Variants in CELF1 observed in about 807,000 individuals in gnomAD.
CELF1 encodes CUGBP Elav-like family member 1, also known as 50 kDa nuclear polyadenylated RNA-binding protein.
In CELF1, 10 loss-of-function variants were observed where a neutral mutation model predicts 61.8. That is an observed-to-expected ratio of 0.16 (90% confidence interval 0.10 to 0.27). CELF1 has a LOEUF of 0.27. Ranked by LOEUF, CELF1 falls within the 10% of genes least tolerant of loss-of-function variation. CELF1 has a pLI of 1.00. For missense variants in CELF1, 380 were observed against 639.1 expected (o/e 0.59, Z 4.37); for synonymous variants, 236 against 225.1 (o/e 1.05, Z -0.43).
chr11:47,527,482 T>C (rs2096287545), intron 1 of CELF1, among the ~76,000 whole-genome samples: 1 of 152,022 alleles, frequency 6.6e-6, no homozygotes, highest in Admixed American at 6.6e-5. Flanking sequence ...CCCAGCACTT[T>C]GAGAGGTCAA....
At chr11:47,511,358 T>TTGGGAAATATGAGGTAATCTCC (rs2095151705) in intron 1 of CELF1, among the ~76,000 whole-genome samples, 1 of 152,166 alleles carries the variant, frequency 6.6e-6, no homozygotes, top group Non-Finnish European at 1.5e-5. Flanking sequence ...GGATAACCTC[T>TTGGGAAATATGAGGTAATCTCC]TGGGAAATAT....
intron 1 of CELF1, among the ~76,000 whole-genome samples, chr11:47,530,912 G>A (rs1351506959): frequency 6.6e-6 from 1 of 151,988 alleles, no homozygotes; most frequent in African/African-American, 2.4e-5. Context: ...CCACAATCAT[G>A]CCATTGCACT....
intron 1 of CELF1, among the ~76,000 whole-genome samples, chr11:47,531,715 C>T (rs1293730643): frequency 6.6e-6 from 1 of 152,200 alleles, no homozygotes; most frequent in African/African-American, 2.4e-5. Flanking sequence ...GCCTACTTGG[C>T]TTCTGATTTT....
At chr11:47,538,249 G>A (rs2096679615) in intron 1 of CELF1, among the ~76,000 whole-genome samples, 1 of 152,112 alleles carries the variant, frequency 6.6e-6, no homozygotes, top group African/African-American at 2.4e-5. Flanking sequence ...ATCATCATTT[G>A]ATCTCTGATA....
intron 2 of CELF1, among the ~76,000 whole-genome samples, chr11:47,558,528 T>G (rs1277147191): frequency 9.1e-5 from 11 of 120,268 alleles, no homozygotes; most frequent in Admixed American, 8.5e-4. Context: ...TATGTATATG[T>G]ATATATTTAT....
At chr11:47,508,100 G>A (rs1428298017) in intron 1 of CELF1, among the ~76,000 whole-genome samples, 2 of 152,148 alleles carry the variant, frequency 1.3e-5, no homozygotes, top group East Asian at 3.8e-4. Context: ...TGGCTTCTTG[G>A]TAGGTCTGTC....
At chr11:47,552,486 CGAGGA>C (rs2097164868) in intron 1 of CELF1, among the ~76,000 whole-genome samples, 1 of 152,162 alleles carries the variant, frequency 6.6e-6, no homozygotes, top group Non-Finnish European at 1.5e-5. Flanking sequence ...GGATCTGGGG[CGAGGA>C]ACGAGGGGCT....
chr11:47,493,686 T>C (rs1193627293), intron 3 of CELF1, among the ~76,000 whole-genome samples: 2 of 152,120 alleles, frequency 1.3e-5, no homozygotes, highest in Non-Finnish European at 2.9e-5. Flanking sequence ...TACCTTATTT[T>C]TTCCCCTACA....
chr11:47,527,834 G>A (rs1049956384), intron 1 of CELF1, among the ~76,000 whole-genome samples: 4 of 152,140 alleles, frequency 2.6e-5, no homozygotes, highest in Non-Finnish European at 4.4e-5. Flanking sequence ...GGTGGCTCAC[G>A]CCTGTAACCT....
At chr11:47,494,533 A>AG in intron 3 of CELF1, 1 of 966,608 alleles carries the variant, frequency 1.0e-6, no homozygotes, top group Non-Finnish European at 1.2e-6. Flanking sequence ...TATTTGTTCA[A>AG]AATTCTTGAA....
intron 1 of CELF1, among the ~76,000 whole-genome samples, chr11:47,527,708 GAATT>G (rs1478692640): frequency 2.6e-5 from 4 of 152,150 alleles, no homozygotes; most frequent in Admixed American, 6.6e-5. Context: ...AGTTTACTGT[GAATT>G]AATATGCTTT....
chr11:47,517,718 T>G (rs1203524485), intron 1 of CELF1, among the ~76,000 whole-genome samples: 3 of 151,588 alleles, frequency 2.0e-5, no homozygotes, highest in Admixed American at 2.0e-4. Context: ...AATGGCGCAA[T>G]ATTGGCTCAC....
intron 3 of CELF1, chr11:47,496,059 CAGA>C: frequency 1.1e-6 from 1 of 937,984 alleles, no homozygotes; most frequent in Non-Finnish European, 1.3e-6. Flanking sequence ...AAAACTGGAA[CAGA>C]AGTGCGTGAG....
At position 47,486,739 on chromosome 11, in the gene CELF1, C is replaced by T. The variant is rs1369877159; in HGVS notation, c.391+11G>A. ...GAAATCTTAAGGGGAAGATTGTATA[C>T]ATTTGCTTACCATTGTTCTTCTCAC... is the stretch of plus-strand genomic sequence containing the variant. On this transcript the variant is annotated intron_variant, in intron 6 of 14. Transcript: ENST00000687097. 6.8e-6 allele frequency: 11 copies of T among 1,609,744 alleles called. No individual in the cohort carries two copies. Among genetic ancestry groups the T allele is most frequent in the Non-Finnish European group, 9.4e-6 (11 of 1,175,974 alleles).
intron 11 of CELF1, 59 bp from the exon 12 acceptor site, chr11:47,477,018 G>A: frequency 7.2e-7 from 1 of 1,382,594 alleles, no homozygotes; most frequent in Non-Finnish European, 1.0e-6. Flanking sequence ...CCAAATACAA[G>A]AAAAAGTGTC....
intron 3 of CELF1, among the ~76,000 whole-genome samples, chr11:47,498,400 G>A (rs1027565231): frequency 2.3e-4 from 35 of 152,160 alleles, no homozygotes; most frequent in Non-Finnish European, 4.4e-5. Context: ...GCAAGACCCT[G>A]TTTCAAAAAC....
intron 1 of CELF1, among the ~76,000 whole-genome samples, chr11:47,518,288 T>C (rs1036422240): frequency 6.6e-6 from 1 of 152,232 alleles, no homozygotes; most frequent in Non-Finnish European, 1.5e-5. Flanking sequence ...CCTCATCATG[T>C]ATGGCCTATT....
intron 1 of CELF1, among the ~76,000 whole-genome samples, chr11:47,540,007 G>C (rs1242904324): frequency 6.6e-6 from 1 of 152,162 alleles, no homozygotes; most frequent in Non-Finnish European, 1.5e-5. Context: ...AGGACAAAGT[G>C]ATTTGCCCAG....
intron 7 of CELF1, among the ~76,000 whole-genome samples, 157 bp from the exon 8 acceptor site, chr11:47,483,689 G>A (rs1480288034): frequency 1.3e-5 from 2 of 152,028 alleles, no homozygotes; most frequent in African/African-American, 4.8e-5. Context: ...GGTGATATGT[G>A]CTATAATGAA....
Sources: allele counts gnomAD v4.1 joint callset (sites outside exome capture counted in the v4.1 genomes callset), GRCh38; gene constraint gnomAD v4.1.1; transcripts MANE v1.5; gene names NCBI Gene and HGNC (gene_info 2026-07-23, HGNC 2026-07-21).